LYSMD1: variants seen among roughly 807,000 people sequenced by gnomAD.
LYSMD1 encodes lysM and putative peptidoglycan-binding domain-containing protein 1.
Under a neutral mutation model 19.3 loss-of-function variants are expected in LYSMD1, and 9 were observed. The observed-to-expected ratio is 0.47, with a 90% CI of 0.28 to 0.81. The LOEUF is 0.81. LYSMD1 is among the 40% of genes least tolerant of loss of function. LYSMD1 has a pLI of 0.11. For missense variants in LYSMD1, 262 were observed against 279.8 expected, an observed-to-expected ratio of 0.94 and a Z score of 0.45; for synonymous variants, 111 against 111.7, an observed-to-expected ratio of 0.99 and a Z score of 0.04.
chr1:151,157,309 C>T (rs1280937976), downstream of LYSMD1, among the ~76,000 whole-genome samples: 2 of 152,222 alleles, frequency 1.3e-5, no homozygotes, highest in Non-Finnish European at 2.9e-5. Context: ...TCTCCACCTC[C>T]TCTGCCTCTT....
downstream of LYSMD1, chr1:151,159,467 G>C: frequency 1.8e-6 from 1 of 550,884 alleles, no homozygotes; most frequent in Non-Finnish European, 3.3e-6. Context: ...TCCCACTCCA[G>C]CCCCAGGACA....
downstream of LYSMD1, chr1:151,159,017 T>C (rs750313252): frequency 1.9e-6 from 3 of 1,614,234 alleles, no homozygotes; most frequent in Non-Finnish European, 2.5e-6. Context: ...TTTGGTGAGG[T>C]AGACTTCACC....
chr1:151,156,386 T>G (rs1204121662), downstream of LYSMD1, among the ~76,000 whole-genome samples: 1 of 152,156 alleles, frequency 6.6e-6, no homozygotes, highest in Non-Finnish European at 1.5e-5. Context: ...TTCCCAGTAC[T>G]GTAGAAATGT....
At chr1:151,159,116 A>G (rs1683341491), downstream of LYSMD1, 4 of 1,614,162 alleles carry the variant, frequency 2.5e-6, no homozygotes, top group Non-Finnish European at 3.4e-6. Context: ...CCCAAGTCAC[A>G]TGGCCGCATC....
chr1:151,156,081 C>A (rs1239234622), downstream of LYSMD1, among the ~76,000 whole-genome samples: 1 of 77,168 alleles, frequency 1.3e-5, no homozygotes, highest in East Asian at 4.7e-4. Context: ...GCCTGGGCAA[C>A]AAGAGCAAAA....
rs1683456009 is a variant in LYSMD1, at chr1:151,161,523, C to G, written c.545+213G>C. ...AAAAAAAAAAAAAATAGTTAACTGT[C>G]TGACTCCAATAAGAACACAGAACCC... On this transcript the variant is annotated intron_variant, in intron 2 of 2. Coordinates refer to ENST00000368908, the MANE Select transcript of LYSMD1 (RefSeq NM_212551.5). 2.0e-5 allele frequency among the ~76,000 whole-genome samples: 3 copies of G among 151,880 alleles called. No individual in the cohort carries two copies. The South Asian group carries it at 6.2e-4, about 32-fold the overall frequency.
rs141690686 is a variant in LYSMD1, at chr1:151,162,028, G to A, written c.253C>T (p.Pro85Ser). Residue 85 changes from proline (P) to serine (S), a missense_variant, in exon 2 of 3, where the codon CCC becomes TCC. Coordinates refer to ENST00000368908, the MANE Select transcript of LYSMD1 (RefSeq NM_212551.5). ...SIFLKKTLYIPILTEPRDLFN... is the reference protein window; with the variant it reads ...SIFLKKTLYISILTEPRDLFN... ...AGGTCTCTGGGCTCTGTCAGGATGG[G>A]GATGTAGAGGGTTTTCTTCAGGAAG... is the stretch of plus-strand genomic sequence containing the variant. 2.5e-6 allele frequency: 4 copies of A among 1,613,294 alleles called. No individual in the cohort carries two copies. In the African/African-American group the frequency reaches 5.4e-5, roughly 22 times the overall value.
chr1:151,151,518 T>C, the LYSMD1 span, among the ~76,000 whole-genome samples: 1 of 151,492 alleles, frequency 6.6e-6, no homozygotes, highest in Non-Finnish European at 1.5e-5. Flanking sequence ...TGTTTATATG[T>C]TGCTTACCAT....
downstream of LYSMD1, among the ~76,000 whole-genome samples, chr1:151,157,101 G>A (rs933823900): frequency 1.3e-5 from 2 of 152,166 alleles, no homozygotes; most frequent in Non-Finnish European, 2.9e-5. Context: ...GGAGAAGACA[G>A]CGGAATAAAT....
chr1:151,156,235 G>C (rs778014163), downstream of LYSMD1, among the ~76,000 whole-genome samples: 5 of 151,574 alleles, frequency 3.3e-5, no homozygotes, highest in African/African-American at 2.4e-5. Context: ...CCTCCCTTCA[G>C]TATTAAGGGT....
chr1:151,165,391 T>G lies in LYSMD1; in HGVS notation c.-133A>C. The stretch of plus-strand genomic sequence containing the variant: ...CTCTCTCTTCCCCTGTGTCCCCGCC[T>G]CCCCAGCACTACGCCATCTGCCCCC... On this transcript the variant is annotated 5_prime_UTR_variant, in exon 1 of 3. Coordinates refer to ENST00000368908, the MANE Select transcript of LYSMD1 (RefSeq NM_212551.5). 4 of 1,417,444 alleles carry G rather than the reference T, an allele frequency of 2.8e-6. No homozygotes were observed. Among genetic ancestry groups the G allele is most frequent in the Non-Finnish European group, 3.7e-6 (4 of 1,082,698 alleles). The allele number at this position is 1,417,444 out of a possible 1,614,324, so 87.8% of individuals were successfully genotyped here. A position where few individuals can be genotyped will look rare whatever the true frequency, so the allele number is the denominator to read the frequency against.
intron 1 of LYSMD1, among the ~76,000 whole-genome samples, chr1:151,163,591 CG>C (rs1291881179): frequency 6.6e-6 from 1 of 152,072 alleles, no homozygotes; most frequent in African/African-American, 2.4e-5. Flanking sequence ...TGTAGTGGCG[CG>C]ATCTCGGCTC....
the LYSMD1 span, among the ~76,000 whole-genome samples, chr1:151,150,715 G>GCTTTT: frequency 1.7e-4 from 25 of 149,536 alleles, no homozygotes; most frequent in South Asian, 2.9e-3. Context: ...TATTAATATG[G>GCTTTT]CTTTTCTTTT....
chr1:151,165,245 G>A lies in LYSMD1; in HGVS notation c.14C>T (p.Ser5Phe), dbSNP rs200029870. The change falls in exon 1 of 3, where the codon TCT becomes TTT. Residue 5 changes from serine to phenylalanine, a missense_variant. Physicochemically the swap from Ser to Phe is radical, Grantham distance 155 (BLOSUM62 -2). Coordinates refer to ENST00000368908, the MANE Select transcript of LYSMD1 (RefSeq NM_212551.5). ...TGACCCCCCTGGCGGGGGCTGTCTA[G>A]ACGGGGAAGCCATCTCTTCACCCTG... is the stretch of plus-strand genomic sequence containing the variant. MASP[S>F]RQPPPGGSGL... 11 of 1,612,914 alleles carry A rather than the reference G, an allele frequency of 6.8e-6. No individual in the cohort carries two copies. Among genetic ancestry groups the A allele is most frequent in the Middle Eastern group, 1.6e-4 (1 of 6,062 alleles).
At chr1:151,161,608 C>A in intron 2 of LYSMD1, 128 bp downstream of exon 2, 1 of 1,213,876 alleles carries the variant, frequency 8.2e-7, no homozygotes, top group East Asian at 2.4e-5. Context: ...ATCTTGGGGC[C>A]ACATGGGGGA....
At chr1:151,164,198 T>C (rs1379942127) in intron 1 of LYSMD1, among the ~76,000 whole-genome samples, 1 of 152,198 alleles carries the variant, frequency 6.6e-6, no homozygotes, top group Non-Finnish European at 1.5e-5. Context: ...CTGACCCCTA[T>C]TCGTTGTTAA....
At chr1:151,165,005 G>T in intron 1 of LYSMD1, 74 bp downstream of exon 1, 1 of 1,330,188 alleles carries the variant, frequency 7.5e-7, no homozygotes, top group Non-Finnish European at 1.1e-6. Flanking sequence ...AGGTTACCTA[G>T]AAGGGCCACT....
chr1:151,153,078 C>G, the LYSMD1 span, among the ~76,000 whole-genome samples: 1 of 152,226 alleles, frequency 6.6e-6, no homozygotes, highest in Non-Finnish European at 1.5e-5. Context: ...AACTACTTAT[C>G]TCTAAGTCTG....
downstream of LYSMD1, chr1:151,159,135 G>A (rs757748340): frequency 6.2e-7 from 1 of 1,614,068 alleles, no homozygotes; most frequent in Non-Finnish European, 8.5e-7. Flanking sequence ...TCCGCCACGT[G>A]TTTGATCACT....
Sources: allele counts gnomAD v4.1 joint callset (sites outside exome capture counted in the v4.1 genomes callset), GRCh38; gene constraint gnomAD v4.1.1; transcripts MANE v1.5; gene names NCBI Gene and HGNC (gene_info 2026-07-23, HGNC 2026-07-21).